Variants in ZNF423 observed in about 807,000 individuals in gnomAD.
ZNF423 encodes zinc finger protein 423.
ZNF423 carries 12 observed loss-of-function variants against 95.8 expected under a neutral mutation model. That is an observed-to-expected ratio of 0.13 (90% CI 0.08 to 0.20). The LOEUF (loss-of-function observed/expected upper bound fraction) is 0.20. ZNF423 is among the 10% of genes least tolerant of loss of function. The probability of loss-of-function intolerance (pLI) is 1.00; values close to 1 mark genes in which losing one functional copy is unlikely to be tolerated. For synonymous variants in ZNF423, 749 were observed against 711.9 expected, an observed-to-expected ratio of 1.05 and a Z score of -0.83; for missense variants, 1,316 against 1,737.1, an observed-to-expected ratio of 0.76 and a Z score of 4.31.
intron 3 of ZNF423, among the ~76,000 whole-genome samples, chr16:49,710,455 G>C (rs537427054): frequency 3.7e-4 from 57 of 152,300 alleles, no homozygotes; most frequent in Non-Finnish European, 4.9e-4. Context: ...TGATCATAAG[G>C]ACCTAAACGC....
intron 4 of ZNF423, among the ~76,000 whole-genome samples, chr16:49,628,891 G>C (rs1002854047): frequency 6.6e-6 from 1 of 152,240 alleles, no homozygotes; most frequent in East Asian, 1.9e-4. Context: ...CAGGGACAGA[G>C]GTGGTGTTGC....
chr16:49,716,810 G>A (rs1265343859), intron 3 of ZNF423, among the ~76,000 whole-genome samples: 1 of 152,184 alleles, frequency 6.6e-6, no homozygotes, highest in Non-Finnish European at 1.5e-5. Flanking sequence ...CCAGAGGAAA[G>A]TGGAATCCGC....
At chr16:49,498,424 C>T (rs367615021) in intron 7 of ZNF423, among the ~76,000 whole-genome samples, 1 of 152,218 alleles carries the variant, frequency 6.6e-6, no homozygotes, top group African/African-American at 2.4e-5. Flanking sequence ...GGCAGAAGCA[C>T]AGGGTATGTG....
At chr16:49,605,992 C>T (rs996954984) in intron 5 of ZNF423, among the ~76,000 whole-genome samples, 10 of 152,132 alleles carry the variant, frequency 6.6e-5, no homozygotes, top group African/African-American at 2.4e-4. Flanking sequence ...ATCAAGACTT[C>T]GTAATGAGAA....
chr16:49,500,262 G>T (rs1001068387), intron 7 of ZNF423, among the ~76,000 whole-genome samples: 2 of 152,134 alleles, frequency 1.3e-5, no homozygotes, highest in African/African-American at 2.4e-5. Flanking sequence ...TGGGGACAGG[G>T]TACCTAGCAG....
At chr16:49,630,529 G>A (rs1972461501) in intron 4 of ZNF423, among the ~76,000 whole-genome samples, 1 of 152,170 alleles carries the variant, frequency 6.6e-6, no homozygotes. Context: ...GTGGGTGGGT[G>A]GGAGGATGGG....
intron 5 of ZNF423, among the ~76,000 whole-genome samples, chr16:49,532,055 A>G (rs1473014529): frequency 6.6e-6 from 1 of 152,214 alleles, no homozygotes; most frequent in African/African-American, 2.4e-5. Flanking sequence ...GAGCTGTCCC[A>G]CTGCTTTGAC....
At chr16:49,525,070 C>A (rs1968548584) in intron 6 of ZNF423, among the ~76,000 whole-genome samples, 1 of 152,158 alleles carries the variant, frequency 6.6e-6, no homozygotes, top group African/African-American at 2.4e-5. Context: ...AGGGTTGAGG[C>A]TGGGTTGGAC....
intron 3 of ZNF423, among the ~76,000 whole-genome samples, chr16:49,672,868 G>A (rs929869177): frequency 3.9e-5 from 6 of 152,010 alleles, no homozygotes; most frequent in African/African-American, 9.7e-5. Flanking sequence ...AAAAGCCTCC[G>A]AAAAAAGAGT....
At chr16:49,548,934 AC>A (rs1969535698) in intron 5 of ZNF423, among the ~76,000 whole-genome samples, 1 of 152,184 alleles carries the variant, frequency 6.6e-6, no homozygotes, top group Non-Finnish European at 1.5e-5. Flanking sequence ...CACTGGTCTG[AC>A]CAGGCAGCTT....
At chr16:49,676,462 G>A (rs1255531054) in intron 3 of ZNF423, among the ~76,000 whole-genome samples, 1 of 152,088 alleles carries the variant, frequency 6.6e-6, no homozygotes, top group Admixed American at 6.5e-5. Context: ...TGACATTCTG[G>A]GACTAAATCA....
chr16:49,740,464 C>G (rs907052160), intron 2 of ZNF423, among the ~76,000 whole-genome samples: 1 of 152,186 alleles, frequency 6.6e-6, no homozygotes, highest in Non-Finnish European at 1.5e-5. Flanking sequence ...CAAAAGGCAG[C>G]CATTATTTAT....
intron 2 of ZNF423, among the ~76,000 whole-genome samples, chr16:49,738,325 T>C (rs1253702750): frequency 1.3e-5 from 2 of 152,012 alleles, no homozygotes; most frequent in East Asian, 3.9e-4. Context: ...CGCTAAGTAG[T>C]AAGGGGCCGG....
intron 3 of ZNF423, among the ~76,000 whole-genome samples, chr16:49,644,658 C>CAAAAAAAAAAAAAAAAA (rs56066766): frequency 5.1e-5 from 2 of 39,566 alleles, no homozygotes; most frequent in Non-Finnish European, 8.7e-5. Context: ...AACTCTGACT[C>CAAAAAAAAAAAAAAAAA]AAAAAAAAAA....
intron 3 of ZNF423, among the ~76,000 whole-genome samples, chr16:49,665,014 G>C (rs573867010): frequency 3.3e-5 from 5 of 152,288 alleles, no homozygotes; most frequent in African/African-American, 1.2e-4. Context: ...GCTTCCCTCC[G>C]CTCAGCCTTG....
chr16:49,538,678 C>T (rs1405915080), intron 5 of ZNF423, among the ~76,000 whole-genome samples: 4 of 152,218 alleles, frequency 2.6e-5, no homozygotes, highest in Non-Finnish European at 5.9e-5. Context: ...AAGGGCTGCA[C>T]TCACAGGGCC....
chr16:49,773,031 C>A (rs1425765827), intron 2 of ZNF423, among the ~76,000 whole-genome samples: 1 of 152,128 alleles, frequency 6.6e-6, no homozygotes, highest in Non-Finnish European at 1.5e-5. Context: ...ATAAAACCAT[C>A]AGATTGGCTG....
chr16:49,798,011 G>A (rs908969323), intron 1 of ZNF423, among the ~76,000 whole-genome samples: 1 of 152,160 alleles, frequency 6.6e-6, no homozygotes, highest in African/African-American at 2.4e-5. Flanking sequence ...GGAGTTCCAG[G>A]CCAGCCAGGG....
At chr16:49,523,822 G>T in intron 6 of ZNF423, 83 bp from the exon 7 acceptor site, 1 of 1,121,304 alleles carries the variant, frequency 8.9e-7, no homozygotes. Flanking sequence ...ACACTCGCAG[G>T]CAGGGATCAC....
Sources: allele counts gnomAD v4.1 joint callset (sites outside exome capture counted in the v4.1 genomes callset), GRCh38; gene constraint gnomAD v4.1.1; transcripts MANE v1.5; gene names NCBI Gene and HGNC (gene_info 2026-07-23, HGNC 2026-07-21).